The following SPTLC3 variants were observed in gnomAD, a reference collection of about 807,000 sequenced individuals.
SPTLC3 encodes serine palmitoyltransferase long chain base subunit 3.
Under a neutral mutation model 59.3 loss-of-function variants are expected in SPTLC3, and 36 were observed. That is an observed-to-expected ratio of 0.61 (90% CI 0.47 to 0.80). The LOEUF (loss-of-function observed/expected upper bound fraction) is 0.80, where lower values mean the gene tolerates loss of function less well. Among genes scored for constraint, SPTLC3 ranks in the 30% least tolerant of loss-of-function variants. The probability of loss-of-function intolerance (pLI) is 0.00; values close to 1 mark genes in which losing one functional copy is unlikely to be tolerated. For missense variants in SPTLC3, 625 were observed against 685.1 expected (o/e 0.91, Z 0.98); for synonymous variants, 257 against 240.8 (o/e 1.07, Z -0.62).
intron 8 of SPTLC3, among the ~76,000 whole-genome samples, chr20:13,126,232 A>G (rs2037986860): frequency 6.6e-6 from 1 of 152,160 alleles, no homozygotes; most frequent in South Asian, 2.1e-4. Context: ...AAGGGCAAGG[A>G]CCACATCCTG....
At chr20:13,125,550 A>C (rs2037969370) in intron 8 of SPTLC3, among the ~76,000 whole-genome samples, 1 of 152,124 alleles carries the variant, frequency 6.6e-6, no homozygotes, top group Non-Finnish European at 1.5e-5. Flanking sequence ...GCCCATCAAC[A>C]ATGTGGGCTG....
chr20:13,063,801 C>A (rs1290565646), intron 2 of SPTLC3, among the ~76,000 whole-genome samples: 2 of 150,392 alleles, frequency 1.3e-5, no homozygotes, highest in Non-Finnish European at 3.0e-5. Flanking sequence ...ATTACAGGCG[C>A]CCGCCACCAC....
At chr20:13,122,244 A>C (rs575741097) in intron 8 of SPTLC3, among the ~76,000 whole-genome samples, 1 of 152,336 alleles carries the variant, frequency 6.6e-6, no homozygotes, top group South Asian at 2.1e-4. Flanking sequence ...AGGAAGTTTC[A>C]GTCCCTTTTG....
At chr20:13,081,558 T>C (rs1988842993) in intron 4 of SPTLC3, among the ~76,000 whole-genome samples, 1 of 152,210 alleles carries the variant, frequency 6.6e-6, no homozygotes, top group Non-Finnish European at 1.5e-5. Context: ...TTATGGCCTT[T>C]TAAGTTGCCT....
At chr20:13,126,865 A>G in intron 9 of SPTLC3, 148 bp downstream of exon 9, 1 of 1,151,246 alleles carries the variant, frequency 8.7e-7, no homozygotes, top group Admixed American at 2.9e-5. Context: ...AACTGCCGTT[A>G]GCACACCATA....
At chr20:13,092,995 G>A (rs1989282029) in intron 5 of SPTLC3, among the ~76,000 whole-genome samples, 1 of 152,184 alleles carries the variant, frequency 6.6e-6, no homozygotes, top group Admixed American at 6.5e-5. Flanking sequence ...CTGTAAAACT[G>A]AAGTTTTTGC....
intron 2 of SPTLC3, among the ~76,000 whole-genome samples, chr20:13,064,748 C>A (rs766839450): frequency 1.3e-5 from 2 of 152,166 alleles, no homozygotes; most frequent in Non-Finnish European, 2.9e-5. Flanking sequence ...TTGGAAAAAA[C>A]TGGCCATTTT....
At chr20:13,100,572 T>TAAA (rs1555793569) in intron 6 of SPTLC3, among the ~76,000 whole-genome samples, 1 of 151,794 alleles carries the variant, frequency 6.6e-6, no homozygotes, top group Non-Finnish European at 1.5e-5. Context: ...TCTTAAACAA[T>TAAA]AACAACAACA....
At chr20:13,142,378 A>C (rs1199976735) in intron 9 of SPTLC3, among the ~76,000 whole-genome samples, 5 of 152,070 alleles carry the variant, frequency 3.3e-5, no homozygotes, top group Admixed American at 2.0e-4. Context: ...ATGGAATTCC[A>C]TGTTGGTTCA....
chr20:13,035,655 A>T (rs1431594279), intron 1 of SPTLC3, among the ~76,000 whole-genome samples: 1 of 152,188 alleles, frequency 6.6e-6, no homozygotes, highest in Non-Finnish European at 1.5e-5. Context: ...ATTATCAGGA[A>T]GGTGCTGTGT....
chr20:13,028,803 T>G (rs1184926477), intron 1 of SPTLC3, among the ~76,000 whole-genome samples: 1 of 152,208 alleles, frequency 6.6e-6, no homozygotes, highest in Non-Finnish European at 1.5e-5. Context: ...ATTTATGCTT[T>G]GTTCTCTCAC....
rs545485575 is a variant in SPTLC3, at chr20:13,131,937, G to A, written c.1279+5220G>A. ...CATATACCCTGCCACCCCTCCCCTC[G>A]CTCAGCCTACTACAGGCAGCTGGCA... On this transcript the variant is annotated intron_variant, in intron 9 of 11. Coordinates refer to ENST00000399002, the MANE Select transcript of SPTLC3 (RefSeq NM_018327.4). 5.9e-5 allele frequency among the ~76,000 whole-genome samples: 9 copies of A among 151,864 alleles called. No individual in the cohort carries two copies. In the South Asian group the frequency reaches 1.3e-3, roughly 21 times the overall value.
At chr20:13,085,658 T>C (rs1251184160) in intron 4 of SPTLC3, among the ~76,000 whole-genome samples, 1 of 152,240 alleles carries the variant, frequency 6.6e-6, no homozygotes, top group Non-Finnish European at 1.5e-5. Context: ...ACCCACACTC[T>C]TTGTTATTAA....
intron 5 of SPTLC3, among the ~76,000 whole-genome samples, chr20:13,092,090 C>T (rs1340130229): frequency 7.9e-5 from 12 of 152,178 alleles, no homozygotes; most frequent in Non-Finnish European, 2.9e-5. Context: ...CTGAGAAAGT[C>T]TGCAATGTCT....
chr20:13,120,295 C>T (rs562263029), intron 8 of SPTLC3, among the ~76,000 whole-genome samples: 14 of 152,102 alleles, frequency 9.2e-5, no homozygotes, highest in African/African-American at 2.7e-4. Context: ...ATCTCAAATT[C>T]GGGGATTATT....
intron 1 of SPTLC3, among the ~76,000 whole-genome samples, chr20:13,019,688 C>T (rs1485510059): frequency 6.6e-6 from 1 of 152,280 alleles, no homozygotes; most frequent in East Asian, 1.9e-4. Context: ...CAAACCACAA[C>T]TCTCAGATTT....
chr20:13,163,616 T>G (rs79738589), intron 11 of SPTLC3, among the ~76,000 whole-genome samples: 1 of 152,074 alleles, frequency 6.6e-6, no homozygotes, highest in African/African-American at 2.4e-5. Flanking sequence ...GGAAGAACAT[T>G]TTAAATACTC....
At chr20:13,152,992 C>A (rs1191886358) in intron 9 of SPTLC3, among the ~76,000 whole-genome samples, 1 of 152,236 alleles carries the variant, frequency 6.6e-6, no homozygotes, top group African/African-American at 2.4e-5. Context: ...GTCTGAACAT[C>A]TCACCACTCA....
chr20:13,086,042 CAG>C (rs1446520300), intron 4 of SPTLC3, among the ~76,000 whole-genome samples: 1 of 151,882 alleles, frequency 6.6e-6, no homozygotes, highest in Non-Finnish European at 1.5e-5. Context: ...TAAAATGTCA[CAG>C]AGAAACAGAA....
Sources: allele counts gnomAD v4.1 joint callset (sites outside exome capture counted in the v4.1 genomes callset), GRCh38; gene constraint gnomAD v4.1.1; transcripts MANE v1.5; gene names NCBI Gene and HGNC (gene_info 2026-07-23, HGNC 2026-07-21).